Variants in AGTPBP1 observed in about 807,000 individuals in gnomAD.
AGTPBP1 encodes cytosolic carboxypeptidase 1.
Under a neutral mutation model 143.9 loss-of-function variants are expected in AGTPBP1, and 70 were observed. The ratio of observed to expected loss-of-function variants is 0.49; its 90% CI spans 0.40 to 0.59. AGTPBP1 has a LOEUF of 0.59. Among genes scored for constraint, AGTPBP1 ranks in the 20% least tolerant of loss-of-function variants. AGTPBP1 has a pLI of 0.00. For missense variants in AGTPBP1, 1,229 were observed against 1,464.5 expected, an observed-to-expected ratio of 0.84 and a Z score of 2.62; for synonymous variants, 463 against 500.2, an observed-to-expected ratio of 0.93 and a Z score of 0.99.
At chr9:85,765,548 T>C in the AGTPBP1 span, among the ~76,000 whole-genome samples, 1 of 152,114 alleles carries the variant, frequency 6.6e-6, no homozygotes, top group Non-Finnish European at 1.5e-5. Context: ...GATGATTCAT[T>C]TATGGGCTGT....
chr9:85,651,670 T>C (rs1473650493), intron 11 of AGTPBP1, among the ~76,000 whole-genome samples: 1 of 152,210 alleles, frequency 6.6e-6, no homozygotes, highest in Non-Finnish European at 1.5e-5. Context: ...AATATACTTC[T>C]GTACCCAAAC....
chr9:85,778,973 T>G, the AGTPBP1 span, among the ~76,000 whole-genome samples: 2 of 152,134 alleles, frequency 1.3e-5, no homozygotes, highest in East Asian at 3.9e-4. Flanking sequence ...AAACAGTTCA[T>G]GCCAAGGACT....
intron 19 of AGTPBP1, among the ~76,000 whole-genome samples, chr9:85,591,111 T>C (rs551391231): frequency 6.6e-6 from 1 of 151,214 alleles, no homozygotes; most frequent in African/African-American, 2.4e-5. Context: ...GGATACACTT[T>C]AAAGAGTAAT....
chr9:85,697,455 T>G lies in AGTPBP1; in HGVS notation c.33-4642A>C, dbSNP rs530802070. Among the ~76,000 whole-genome samples the G allele has an allele frequency of 1.4e-3, 192 of 133,762 alleles. 1 individual carries two copies. The highest frequency in any genetic ancestry group is 4.6e-3 in the Admixed American group (62 of 13,566). The allele number at this position is 133,762 out of a possible 152,430, so 87.8% of individuals were successfully genotyped here. ...CTTAATTTGTTTTTTGTTTTTTTTTTTTTTTTTTTTTTTTTGAGGCAGAGT... is the reference window on the plus strand; with the variant it reads ...CTTAATTTGTTTTTTGTTTTTTTTTGTTTTTTTTTTTTTTTGAGGCAGAGT... On this transcript the variant is annotated intron_variant, in intron 2 of 25. Transcript: ENST00000357081.
chr9:85,803,157 G>A, the AGTPBP1 span, among the ~76,000 whole-genome samples: 29 of 152,264 alleles, frequency 1.9e-4, no homozygotes, highest in Admixed American at 1.4e-3. Flanking sequence ...GGGGAAGAGG[G>A]GATGGATCCC....
chr9:85,797,010 C>T, the AGTPBP1 span, among the ~76,000 whole-genome samples: 62 of 152,204 alleles, frequency 4.1e-4, no homozygotes, highest in Non-Finnish European at 7.1e-4. Context: ...TGGTCTCGAT[C>T]TCCCGACCTC....
chr9:85,626,962 G>C (rs1019450627), intron 14 of AGTPBP1, among the ~76,000 whole-genome samples: 1 of 152,156 alleles, frequency 6.6e-6, no homozygotes, highest in East Asian at 1.9e-4. Flanking sequence ...ATTTGGGATG[G>C]ATTTGGCACA....
chr9:85,657,148 T>C (rs1833563597), intron 10 of AGTPBP1, among the ~76,000 whole-genome samples: 1 of 146,768 alleles, frequency 6.8e-6, no homozygotes, highest in African/African-American at 2.6e-5. Flanking sequence ...ACCTGCACAA[T>C]GTGCACATGT....
At chr9:85,652,172 C>G (rs1210980650) in intron 11 of AGTPBP1, among the ~76,000 whole-genome samples, 3 of 152,050 alleles carry the variant, frequency 2.0e-5, no homozygotes, top group African/African-American at 4.8e-5. Context: ...GCAATCACAC[C>G]TACATAATGG....
At chr9:85,599,747 G>T (rs879606420) in intron 17 of AGTPBP1, among the ~76,000 whole-genome samples, 1 of 152,118 alleles carries the variant, frequency 6.6e-6, no homozygotes, top group Non-Finnish European at 1.5e-5. Context: ...TCTTATAAAC[G>T]CTGACATGCA....
intron 21 of AGTPBP1, 54 bp from the exon 22 acceptor site, chr9:85,587,014 T>C (rs1358974744): frequency 6.2e-7 from 1 of 1,605,314 alleles, no homozygotes; most frequent in African/African-American, 1.3e-5. Flanking sequence ...TAAACCCTTA[T>C]ATACATTTCT....
chr9:85,652,373 G>A (rs771107540), intron 11 of AGTPBP1, among the ~76,000 whole-genome samples: 1 of 152,072 alleles, frequency 6.6e-6, no homozygotes, highest in South Asian at 2.1e-4. Flanking sequence ...TTAGCTGGGC[G>A]TGGTGGTGCA....
At chr9:85,660,831 C>A in intron 9 of AGTPBP1, 105 bp downstream of exon 9, 1 of 886,688 alleles carries the variant, frequency 1.1e-6, no homozygotes, top group Non-Finnish European at 1.7e-6. Flanking sequence ...TATTATAAAC[C>A]AGCTTTATAA....
intron 15 of AGTPBP1, among the ~76,000 whole-genome samples, chr9:85,620,507 G>A (rs952070709): frequency 1.3e-5 from 2 of 152,032 alleles, no homozygotes; most frequent in Non-Finnish European, 2.9e-5. Context: ...TATGTTGAGG[G>A]AGAGAAGAAA....
intron 11 of AGTPBP1, among the ~76,000 whole-genome samples, chr9:85,648,841 T>C (rs1252314303): frequency 1.3e-5 from 2 of 152,028 alleles, no homozygotes; most frequent in African/African-American, 2.4e-5. Context: ...AAAATCCTAT[T>C]GCAAGTAGGA....
intron 2 of AGTPBP1, among the ~76,000 whole-genome samples, chr9:85,706,798 C>A (rs902582416): frequency 3.9e-5 from 6 of 151,944 alleles, no homozygotes; most frequent in Non-Finnish European, 8.8e-5. Flanking sequence ...ATGGCGTAAA[C>A]CCGGGAGGCA....
chr9:85,572,004 GTTTTTTTTTTTTTTTTTTTTTTTTTT>G (rs55882437), intron 25 of AGTPBP1, among the ~76,000 whole-genome samples: 1 of 43,434 alleles, frequency 2.3e-5, no homozygotes, highest in Admixed American at 3.3e-4. Flanking sequence ...GTTTGTGTGT[GTTTTTTTTTTTTTTTTTTTTTTTTTT>G]TTTTTTTTTT....
rs146610043 is a variant in AGTPBP1 at position 85,586,891 on chromosome 9, A to T, written c.2973T>A (p.Pro991=). The change falls in exon 22 of 26, where the codon CCT becomes CCA. Residue 991 remains proline, a synonymous_variant. Transcript: ENST00000357081. ...ACAGCCCCTTAGCATGGTAAATTGT[A>T]GGATGTAAATCCGGACTTGGACTTT... ...QWQSPSPDLH[P]TIYHAKGLLQ... The T allele has an allele frequency of 3.7e-6, 6 of 1,614,062 alleles. No homozygotes were observed. Among genetic ancestry groups the T allele is most frequent in the Non-Finnish European group, 4.2e-6 (5 of 1,179,946 alleles).
chr9:85,716,350 T>C (rs954111929), intron 1 of AGTPBP1, among the ~76,000 whole-genome samples: 1 of 152,204 alleles, frequency 6.6e-6, no homozygotes. Flanking sequence ...TCCTTTCTTG[T>C]CCTCTTCTAA....
Sources: gnomAD v4.1 joint callset for allele counts (sites outside exome capture counted in the v4.1 genomes callset) on GRCh38, gnomAD v4.1.1 for gene constraint, MANE v1.5 for transcripts, NCBI Gene and HGNC (gene_info 2026-07-23, HGNC 2026-07-21) for gene names.